The following ANKS1B variants were observed in gnomAD, a reference collection of about 807,000 sequenced individuals.
The protein encoded by ANKS1B is ankyrin repeat and sterile alpha motif domain-containing protein 1B.
A neutral mutation model predicts 148.3 loss-of-function variants in ANKS1B; 36 were observed. That is an observed-to-expected ratio of 0.24 (90% confidence interval 0.19 to 0.32). The LOEUF is 0.32. Among genes scored for constraint, ANKS1B ranks in the 10% least tolerant of loss-of-function variants. The probability of loss-of-function intolerance (pLI) is 1.00; values close to 1 mark genes in which losing one functional copy is unlikely to be tolerated. For synonymous variants in ANKS1B, 542 were observed against 560.8 expected (o/e 0.97, Z 0.47); for missense variants, 1,157 against 1,542.6 (o/e 0.75, Z 4.19).
chr12:99,959,713 G>A (rs1194378635), intron 1 of ANKS1B, among the ~76,000 whole-genome samples: 1 of 152,150 alleles, frequency 6.6e-6, no homozygotes. Context: ...ATAAACAAGT[G>A]TGTTTAATTT....
intron 11 of ANKS1B, among the ~76,000 whole-genome samples, chr12:99,442,426 A>G (rs2095564192): frequency 6.6e-6 from 1 of 151,888 alleles, no homozygotes; most frequent in South Asian, 2.1e-4. Flanking sequence ...TGCATATTCC[A>G]TACTCCTAAA....
chr12:99,921,259 G>A (rs1446704540), intron 1 of ANKS1B, among the ~76,000 whole-genome samples: 1 of 152,100 alleles, frequency 6.6e-6, no homozygotes, highest in East Asian at 1.9e-4. Flanking sequence ...GAGTTCTCAT[G>A]AGATCTGATG....
At chr12:99,774,683 C>T (rs1205721355) in intron 7 of ANKS1B, among the ~76,000 whole-genome samples, 2 of 152,136 alleles carry the variant, frequency 1.3e-5, no homozygotes, top group Non-Finnish European at 2.9e-5. Flanking sequence ...CTGCACCCTT[C>T]TGTTCATTGC....
At chr12:98,887,829 T>G (rs898721841) in intron 17 of ANKS1B, among the ~76,000 whole-genome samples, 1 of 152,168 alleles carries the variant, frequency 6.6e-6, no homozygotes, top group Non-Finnish European at 1.5e-5. Context: ...GCCAGACTGG[T>G]CTTGAACTTC....
chr12:99,828,045 T>C (rs1478161470), intron 1 of ANKS1B, among the ~76,000 whole-genome samples: 1 of 152,130 alleles, frequency 6.6e-6, no homozygotes, highest in African/African-American at 2.4e-5. Context: ...AACCCAAATG[T>C]CCATTAGCTG....
chr12:99,712,724 A>T (rs984718460), intron 8 of ANKS1B, among the ~76,000 whole-genome samples: 5 of 152,212 alleles, frequency 3.3e-5, no homozygotes, highest in Non-Finnish European at 5.9e-5. Flanking sequence ...CAGGCATAAG[A>T]TAATCAATAT....
chr12:98,837,754 C>G (rs1044775417), intron 17 of ANKS1B, among the ~76,000 whole-genome samples: 2 of 151,904 alleles, frequency 1.3e-5, no homozygotes, highest in African/African-American at 4.8e-5. Context: ...TTCCTTTTTT[C>G]TTTTAAAATT....
At chr12:99,048,625 A>C (rs1027609846) in intron 17 of ANKS1B, 1 of 152,682 alleles carries the variant, frequency 6.5e-6, no homozygotes, top group Non-Finnish European at 1.5e-5. Context: ...AAGTGTGGAC[A>C]TGCAAAAGAT....
chr12:99,711,896 T>C (rs182667331), intron 8 of ANKS1B, among the ~76,000 whole-genome samples: 39 of 152,284 alleles, frequency 2.6e-4, no homozygotes, highest in African/African-American at 7.7e-4. Context: ...CATGCACACA[T>C]GTGTTCATTA....
intron 17 of ANKS1B, among the ~76,000 whole-genome samples, chr12:99,030,276 T>C (rs1277229982): frequency 6.6e-6 from 1 of 152,046 alleles, no homozygotes; most frequent in African/African-American, 2.4e-5. Flanking sequence ...TAGGGGGAAA[T>C]AGGTGCCACA....
At chr12:99,712,538 A>G (rs2056780813) in intron 8 of ANKS1B, among the ~76,000 whole-genome samples, 1 of 152,220 alleles carries the variant, frequency 6.6e-6, no homozygotes, top group Non-Finnish European at 1.5e-5. Context: ...TATAACATAC[A>G]TTCAAATACA....
intron 11 of ANKS1B, among the ~76,000 whole-genome samples, chr12:99,437,640 G>A (rs2095483585): frequency 6.6e-6 from 1 of 151,814 alleles, no homozygotes; most frequent in Admixed American, 6.6e-5. Context: ...GGAATCCAGT[G>A]CTCTGTCAAC....
intron 17 of ANKS1B, among the ~76,000 whole-genome samples, chr12:98,884,538 G>A (rs1299680117): frequency 7.2e-5 from 11 of 152,096 alleles, no homozygotes; most frequent in South Asian, 2.1e-4. Context: ...GGTGGCTCAC[G>A]CCTGTAATCC....
chr12:98,874,050 T>C (rs555380734), intron 17 of ANKS1B, among the ~76,000 whole-genome samples: 3 of 152,206 alleles, frequency 2.0e-5, no homozygotes, highest in Admixed American at 6.5e-5. Context: ...ATTATCTGTC[T>C]GCCTCTTTTC....
chr12:99,381,670 T>G (rs934966996), intron 12 of ANKS1B, among the ~76,000 whole-genome samples: 1 of 152,154 alleles, frequency 6.6e-6, no homozygotes, highest in Non-Finnish European at 1.5e-5. Context: ...AGTGGAGTAA[T>G]TTTCAGGAAT....
intron 14 of ANKS1B, among the ~76,000 whole-genome samples, chr12:99,213,737 G>A (rs952350739): frequency 2.0e-5 from 3 of 152,168 alleles, no homozygotes; most frequent in Non-Finnish European, 4.4e-5. Context: ...TTAACATTCT[G>A]TAATGGGAAT....
At chr12:99,639,768 C>T (rs920897566) in intron 9 of ANKS1B, among the ~76,000 whole-genome samples, 3 of 152,192 alleles carry the variant, frequency 2.0e-5, no homozygotes, top group Non-Finnish European at 4.4e-5. Flanking sequence ...GAGGCATCCC[C>T]AGCCCAGCAG....
intron 17 of ANKS1B, among the ~76,000 whole-genome samples, chr12:98,841,059 G>T (rs1166844264): frequency 6.6e-6 from 1 of 152,176 alleles, no homozygotes; most frequent in Non-Finnish European, 1.5e-5. Flanking sequence ...AAGAAGTAGA[G>T]AGACTGCTGT....
At chr12:98,955,282 A>C (rs976986785) in intron 17 of ANKS1B, among the ~76,000 whole-genome samples, 1 of 152,176 alleles carries the variant, frequency 6.6e-6, no homozygotes, top group African/African-American at 2.4e-5. Context: ...GACTTGAAGG[A>C]GGTAAATTAT....
Sources: gnomAD v4.1 joint callset for allele counts (sites outside exome capture counted in the v4.1 genomes callset) on GRCh38, gnomAD v4.1.1 for gene constraint, MANE v1.5 for transcripts, NCBI Gene and HGNC (gene_info 2026-07-23, HGNC 2026-07-21) for gene names.